The following ATP11A variants were observed in gnomAD, a reference collection of about 807,000 sequenced individuals.
ATP11A encodes the protein ATPase phospholipid transporting 11A, also known as phospholipid-transporting ATPase IH.
Under a neutral mutation model 154.4 loss-of-function variants are expected in ATP11A, and 81 were observed. The ratio of observed to expected loss-of-function variants is 0.52; its 90% CI spans 0.44 to 0.63. ATP11A has a LOEUF of 0.63. Among genes scored for constraint, ATP11A ranks in the 30% least tolerant of loss-of-function variants. The pLI is 0.00. For synonymous variants in ATP11A, 623 were observed against 585.9 expected (o/e 1.06, Z -0.91); for missense variants, 1,316 against 1,474.3 (o/e 0.89, Z 1.76).
chr13:112,861,900 C>G (rs1199177374), intron 24 of ATP11A, among the ~76,000 whole-genome samples: 1 of 151,234 alleles, frequency 6.6e-6, no homozygotes, highest in Non-Finnish European at 1.5e-5. Context: ...GGGAATAAAT[C>G]TAAGAAAATG....
At chr13:112,764,756 A>G (rs1243375711) in intron 1 of ATP11A, among the ~76,000 whole-genome samples, 1 of 152,216 alleles carries the variant, frequency 6.6e-6, no homozygotes, top group Non-Finnish European at 1.5e-5. Context: ...GGAAGTGCAG[A>G]GTCCTGCGTT....
chr13:112,823,454 A>T (rs2078853225), intron 9 of ATP11A, 45 bp downstream of exon 9: 2 of 1,495,114 alleles, frequency 1.3e-6, no homozygotes, highest in African/African-American at 1.4e-5. Flanking sequence ...AACATTAAGG[A>T]TGCATGAAGC....
At chr13:112,761,675 C>T (rs968292760) in intron 1 of ATP11A, among the ~76,000 whole-genome samples, 6 of 145,760 alleles carry the variant, frequency 4.1e-5, no homozygotes, top group African/African-American at 1.3e-4. Flanking sequence ...AAGGGGACAT[C>T]GTGCACATAG....
At chr13:112,728,621 C>A (rs112822166) in intron 1 of ATP11A, among the ~76,000 whole-genome samples, 2 of 148,944 alleles carry the variant, frequency 1.3e-5, no homozygotes, top group African/African-American at 5.0e-5. Context: ...CCGTGCGGCC[C>A]GCCTCCCTGT....
At chr13:112,773,208 C>T (rs2077266936) in intron 1 of ATP11A, among the ~76,000 whole-genome samples, 1 of 151,956 alleles carries the variant, frequency 6.6e-6, no homozygotes, top group South Asian at 2.1e-4. Context: ...GCCTCCTGCC[C>T]TGCCCTGCCC....
chr13:112,784,558 C>G (rs1815055443), intron 1 of ATP11A, among the ~76,000 whole-genome samples: 2 of 149,472 alleles, frequency 1.3e-5, no homozygotes, highest in Admixed American at 6.7e-5. Context: ...GAGTCTCGCT[C>G]TGTCCCCCAG....
chr13:112,819,892 G>A lies in ATP11A; in HGVS notation c.675-8G>A, dbSNP rs763504140. 37 of 1,613,984 alleles carry A rather than the reference G, an allele frequency of 2.3e-5. No homozygotes were observed. The East Asian group carries it at 7.8e-4, about 34-fold the overall frequency. On this transcript the variant is annotated splice_polypyrimidine_tract_variant and splice_region_variant and intron_variant, in intron 7 of 29. Coordinates refer to ENST00000375645, the MANE Select transcript of ATP11A (RefSeq NM_015205.3). The stretch of plus-strand genomic sequence containing the variant: ...GTCCGGTCAGTAACGTGGCTTTTCT[G>A]TCGCCAGGTTCGTGGGTCGCATCAA...
At position 112,807,380 on chromosome 13, in the gene ATP11A, T is replaced by G. The variant is rs60895519; in HGVS notation, c.333+1087T>G. On this transcript the variant is annotated intron_variant, in intron 4 of 29. Coordinates refer to ENST00000375645, the MANE Select transcript of ATP11A (RefSeq NM_015205.3). The surrounding 1 kb of genome is among the most constrained non-coding windows in gnomAD (Gnocchi z 4.5). The stretch of plus-strand genomic sequence containing the variant: ...GATATTCATGGTGGCTGTCATTGAT[T>G]AGCAAAGGACTCGGGCAACCTGGTG... Among the ~76,000 whole-genome samples, 11 of 152,344 alleles carry G rather than the reference T, an allele frequency of 7.2e-5. No individual in the cohort carries two copies. In the East Asian group the frequency reaches 1.9e-3, roughly 27 times the overall value.
chr13:112,794,667 A>C (rs2077950204), intron 2 of ATP11A, among the ~76,000 whole-genome samples: 1 of 152,136 alleles, frequency 6.6e-6, no homozygotes, highest in Non-Finnish European at 1.5e-5. Flanking sequence ...CAGGAGTTCT[A>C]GACAAGCCTG....
At chr13:112,793,707 C>A (rs1319499627) in intron 2 of ATP11A, among the ~76,000 whole-genome samples, 2 of 152,208 alleles carry the variant, frequency 1.3e-5, no homozygotes, top group African/African-American at 4.8e-5. Context: ...TCAGGTGGGC[C>A]CTGTGGTGCT....
intron 2 of ATP11A, among the ~76,000 whole-genome samples, chr13:112,788,368 C>T (rs539511990): frequency 4.7e-5 from 7 of 149,694 alleles, no homozygotes; most frequent in African/African-American, 7.4e-5. Flanking sequence ...TAATTCACAC[C>T]GGTGTCCTAA....
chr13:112,838,457 G>A lies in ATP11A; in HGVS notation c.1705+2206G>A, dbSNP rs536521510. 2.0e-5 allele frequency among the ~76,000 whole-genome samples: 3 copies of A among 152,210 alleles called. No individual in the cohort carries two copies. The highest frequency in any genetic ancestry group is 4.4e-5 in the Non-Finnish European group (3 of 68,038). ...CATGCTGCCCGTGACCTGCGGGGCT[G>A]ACCACGGTGCCCAAGAAGGCAAGCA... is the stretch of plus-strand genomic sequence containing the variant. On this transcript the variant is annotated intron_variant, in intron 16 of 29. Transcript: ENST00000375645. The surrounding 1 kb of genome is among the most constrained non-coding windows in gnomAD (Gnocchi z 7.3).
chr13:112,834,465 C>T, intron 14 of ATP11A, 124 bp from the exon 15 acceptor site: 1 of 652,200 alleles, frequency 1.5e-6, no homozygotes, highest in Non-Finnish European at 2.8e-6. Context: ...AGTTTATAAT[C>T]TCTGTTTAAC....
At chr13:112,775,077 C>T (rs1284886419) in intron 1 of ATP11A, among the ~76,000 whole-genome samples, 1 of 152,276 alleles carries the variant, frequency 6.6e-6, no homozygotes, top group African/African-American at 2.4e-5. Flanking sequence ...AGTGGGTTGC[C>T]CGCAGGGGCC....
rs147696667 is a variant in ATP11A at position 112,838,095 on chromosome 13, T to C, written c.1705+1844T>C. 1.5e-3 allele frequency among the ~76,000 whole-genome samples: 234 copies of C among 152,308 alleles called. 8 individuals are homozygous for C. In the East Asian group the frequency reaches 0.039, roughly 26 times the overall value. On this transcript the variant is annotated intron_variant, in intron 16 of 29. Coordinates refer to ENST00000375645, the MANE Select transcript of ATP11A (RefSeq NM_015205.3). This position sits in a 1 kb window ranked among gnomAD's most constrained non-coding sequence, Gnocchi z 7.3. ...TGAGGAACAATCTGTGTGTGAATGTTGCCAGGACTCCCACGAAGAGCTTTT... is the reference window on the plus strand; with the variant it reads ...TGAGGAACAATCTGTGTGTGAATGTCGCCAGGACTCCCACGAAGAGCTTTT...
At chr13:112,748,646 G>A (rs777382904) in intron 1 of ATP11A, among the ~76,000 whole-genome samples, 3 of 152,182 alleles carry the variant, frequency 2.0e-5, no homozygotes, top group Non-Finnish European at 2.9e-5. Context: ...GATTACAAGC[G>A]TGAGCCACCA....
Position 112,885,780 on chromosome 13 carries a change from C to T in ATP11A, c.*3914C>T, listed in dbSNP as rs117621363. On this transcript the variant is annotated 3_prime_UTR_variant, in exon 30 of 30. Coordinates refer to ENST00000375645, the MANE Select transcript of ATP11A (RefSeq NM_015205.3). ...CCCCTGTGAGAGGCCTCTGGATGGG[C>T]ATGGGAAGATGGGCTCCCTGGCCCC... The T allele has an allele frequency of 1.0e-3, 160 of 152,492 alleles. No individual in the cohort carries two copies. The highest frequency in any genetic ancestry group is 0.01 in the East Asian group (54 of 5,190). The allele number at this position is 152,492 out of a possible 1,614,324, so 9.4% of individuals were successfully genotyped here. A position where few individuals can be genotyped will look rare whatever the true frequency, so the allele number is the denominator to read the frequency against.
chr13:112,816,694 A>T (rs1056213660), intron 6 of ATP11A, among the ~76,000 whole-genome samples: 1 of 151,894 alleles, frequency 6.6e-6, no homozygotes, highest in African/African-American at 2.4e-5. Flanking sequence ...GTTCATCCTA[A>T]ATAATGCTAC....
chr13:112,877,554 G>T (rs2080766458), intron 28 of ATP11A, among the ~76,000 whole-genome samples: 1 of 152,246 alleles, frequency 6.6e-6, no homozygotes, highest in African/African-American at 2.4e-5. Flanking sequence ...GAGAGAGCAG[G>T]TGCAGCTTGG....
Sources: gnomAD v4.1 joint callset for allele counts (sites outside exome capture counted in the v4.1 genomes callset) on GRCh38, gnomAD v4.1.1 for gene constraint, Gnocchi (gnomAD v3.1) non-coding constraint, MANE v1.5 for transcripts, NCBI Gene and HGNC (gene_info 2026-07-23, HGNC 2026-07-21) for gene names.